UBTD2: variants seen among roughly 807,000 people sequenced by gnomAD.
UBTD2 encodes ubiquitin domain-containing protein 2.
A neutral mutation model predicts 19.8 loss-of-function variants in UBTD2; 9 were observed. That is an observed-to-expected ratio of 0.46 (90% CI 0.27 to 0.79). The LOEUF is 0.79. UBTD2 is among the 30% of genes least tolerant of loss of function. The pLI, the probability that UBTD2 is intolerant of heterozygous loss-of-function variation, is 0.14. For synonymous variants in UBTD2, 98 were observed against 103.9 expected, an observed-to-expected ratio of 0.94 and a Z score of 0.35; for missense variants, 250 against 300.4, an observed-to-expected ratio of 0.83 and a Z score of 1.24.
chr5:172,234,193 T>A lies in UBTD2; in HGVS notation c.236A>T (p.His79Leu). ...TTCATGATCATTGCTCTCAAAAGCA[T>A]GTGCAGCAGCCTTCAAGGCATCCCA... ...EIWDALKAAA[H>L]AFESNDHELA... The change falls in exon 2 of 3, where the codon CAT becomes CTT. Residue 79 changes from histidine to leucine, a missense_variant. By Grantham distance (99) the His-to-Leu change is moderately conservative. Transcript: ENST00000393792. 6.2e-7 allele frequency: 1 copy of A among 1,614,196 alleles called. No homozygotes were observed. The highest frequency in any genetic ancestry group is 8.5e-7 in the Non-Finnish European group (1 of 1,180,032).
At chr5:172,213,329 A>G (rs1394352908) in intron 2 of UBTD2, among the ~76,000 whole-genome samples, 1 of 152,214 alleles carries the variant, frequency 6.6e-6, no homozygotes, top group Non-Finnish European at 1.5e-5. Context: ...CTTGGCAAGA[A>G]GTCCTTAGTC....
At chr5:172,224,284 GAT>G (rs1356888861) in intron 2 of UBTD2, among the ~76,000 whole-genome samples, 3 of 146,380 alleles carry the variant, frequency 2.0e-5, no homozygotes, top group Non-Finnish European at 4.5e-5. Flanking sequence ...CATGAGATCT[GAT>G]GTTTTTCATT....
rs1251523882 is a variant in UBTD2, at chr5:172,283,690, C to A, written c.-25G>T. 1.6e-6 allele frequency: 2 copies of A among 1,224,036 alleles called. No individual in the cohort carries two copies. The highest frequency in any genetic ancestry group is 3.3e-5 in the East Asian group (1 of 30,752). 75.8% of individuals were successfully genotyped at this position (1,224,036 alleles called of 1,614,324 possible). The stretch of plus-strand genomic sequence containing the variant: ...TGGGGGCCCCCGGCGCCTCGTCCGC[C>A]ACCTCCGGACGCTCGTCCGGGCCCG... On this transcript the variant is annotated 5_prime_UTR_variant, in exon 1 of 3. Transcript: ENST00000393792. This position sits in a 1 kb window ranked among gnomAD's most constrained non-coding sequence, Gnocchi z 4.3.
chr5:172,276,688 G>A (rs548849373), intron 1 of UBTD2, among the ~76,000 whole-genome samples: 1 of 151,994 alleles, frequency 6.6e-6, no homozygotes, highest in Admixed American at 6.6e-5. Flanking sequence ...TCATTATTGG[G>A]GTGCAGAGAC....
intron 1 of UBTD2, among the ~76,000 whole-genome samples, chr5:172,273,475 C>T (rs903723477): frequency 2.0e-5 from 3 of 151,478 alleles, no homozygotes; most frequent in Non-Finnish European, 4.4e-5. Context: ...CCTGTAATCC[C>T]GGCTATTTCA....
intron 1 of UBTD2, among the ~76,000 whole-genome samples, chr5:172,277,781 G>A (rs1755635993): frequency 6.7e-6 from 1 of 149,212 alleles, no homozygotes; most frequent in Non-Finnish European, 1.5e-5. Flanking sequence ...TCACAGAATG[G>A]GGGAAAATAT....
chr5:172,242,595 T>C (rs1473318877), intron 1 of UBTD2, among the ~76,000 whole-genome samples: 1 of 152,236 alleles, frequency 6.6e-6, no homozygotes, highest in Non-Finnish European at 1.5e-5. Context: ...GTAAGAATTC[T>C]TCATATATGT....
At chr5:172,254,139 G>A (rs919894515) in intron 1 of UBTD2, among the ~76,000 whole-genome samples, 2 of 151,984 alleles carry the variant, frequency 1.3e-5, no homozygotes, top group African/African-American at 4.8e-5. Flanking sequence ...TCGCTCTGTC[G>A]CCCAGGCTGG....
In UBTD2 at chr5:172,283,462, G is replaced by C. The variant is rs1184129285; in HGVS notation, c.70+134C>G. The stretch of plus-strand genomic sequence containing the variant: ...GGCTGGCAGGACAGCCGGAAGCGGA[G>C]CGCGGGGAATGACGTGGAAGAGGGG... On this transcript the variant is annotated intron_variant, in intron 1 of 2. Transcript: ENST00000393792. The surrounding 1 kb of genome is among the most constrained non-coding windows in gnomAD (Gnocchi z 4.3). The C allele has an allele frequency of 1.5e-6, 1 of 660,044 alleles. No homozygotes were observed. Among genetic ancestry groups the C allele is most frequent in the Non-Finnish European group, 2.1e-6 (1 of 474,892 alleles). The allele number at this position is 660,044 out of a possible 1,614,324, so 40.9% of individuals were successfully genotyped here. A position where few individuals can be genotyped will look rare whatever the true frequency, so the allele number is the denominator to read the frequency against.
intron 2 of UBTD2, among the ~76,000 whole-genome samples, chr5:172,217,034 G>A (rs551325214): frequency 2.4e-4 from 36 of 152,174 alleles, no homozygotes; most frequent in South Asian, 8.3e-4. Context: ...CAGAAACCAT[G>A]CAAGTATACA....
intron 1 of UBTD2, among the ~76,000 whole-genome samples, chr5:172,239,829 G>C (rs1011209472): frequency 6.6e-6 from 1 of 151,614 alleles, no homozygotes; most frequent in Non-Finnish European, 1.5e-5. Context: ...GCTTGAACCT[G>C]GGAGGCAGAG....
chr5:172,222,229 GAAC>G (rs1771665632), intron 2 of UBTD2, among the ~76,000 whole-genome samples: 1 of 152,246 alleles, frequency 6.6e-6, no homozygotes, highest in East Asian at 1.9e-4. Context: ...CTAGACTCTT[GAAC>G]AACATAATCC....
chr5:172,251,291 C>T (rs1432330821), intron 1 of UBTD2, among the ~76,000 whole-genome samples: 4 of 140,226 alleles, frequency 2.9e-5, no homozygotes, highest in Non-Finnish European at 4.5e-5. Flanking sequence ...TGCACTCCAG[C>T]CTGGGTGACA....
chr5:172,221,332 C>T (rs113885839), intron 2 of UBTD2, among the ~76,000 whole-genome samples: 2 of 151,630 alleles, frequency 1.3e-5, no homozygotes, highest in Admixed American at 6.6e-5. Flanking sequence ...AGCAAGGCCC[C>T]ATCTCTACCA....
chr5:172,215,274 C>A (rs1771519487), intron 2 of UBTD2, among the ~76,000 whole-genome samples: 1 of 152,146 alleles, frequency 6.6e-6, no homozygotes, highest in Non-Finnish European at 1.5e-5. Context: ...CAAAAGGAAC[C>A]ATTTTTAAAT....
intron 1 of UBTD2, among the ~76,000 whole-genome samples, chr5:172,267,607 T>C (rs934184409): frequency 1.3e-5 from 2 of 152,218 alleles, no homozygotes; most frequent in Admixed American, 1.3e-4. Context: ...ATGACGTGTT[T>C]AACTTCTGAG....
intron 1 of UBTD2, among the ~76,000 whole-genome samples, chr5:172,259,631 G>A (rs547342228): frequency 1.2e-4 from 19 of 152,082 alleles, no homozygotes; most frequent in Non-Finnish European, 2.4e-4. Context: ...GTGTGGGGGT[G>A]GGGAGGAAAT....
rs1439471686 is a variant in UBTD2 at position 172,283,641 on chromosome 5, G to T, written c.25C>A (p.His9Asn). Residue 9 changes from histidine (H) to asparagine (N), a missense_variant, in exon 1 of 3, where the codon CAC (histidine) becomes AAC (asparagine). Coordinates refer to ENST00000393792, the MANE Select transcript of UBTD2 (RefSeq NM_152277.3). This position sits in a 1 kb window ranked among gnomAD's most constrained non-coding sequence, Gnocchi z 4.3. ...TCGTTGAGGCTGCCCGAGGAGTCGT[G>T]CTGGGCGCCCACACACCCGCCCATG... is the stretch of plus-strand genomic sequence containing the variant. Reference protein sequence around the residue: MGGCVGAQHDSSGSLNENS... With the variant: MGGCVGAQNDSSGSLNENS... 5.5e-6 allele frequency: 7 copies of T among 1,276,830 alleles called. No homozygotes were observed. The Admixed American group carries it at 1.5e-4, about 27-fold the overall frequency. The allele number at this position is 1,276,830 out of a possible 1,614,324, so 79.1% of individuals were successfully genotyped here.
intron 1 of UBTD2, chr5:172,242,518 T>G: frequency 2.7e-6 from 2 of 733,122 alleles, no homozygotes; most frequent in Non-Finnish European, 3.3e-6. Context: ...TCCTTTACCC[T>G]TTGTATTAAC....
Sources: allele counts gnomAD v4.1 joint callset (sites outside exome capture counted in the v4.1 genomes callset), GRCh38; gene constraint gnomAD v4.1.1; non-coding constraint Gnocchi (gnomAD v3.1); transcripts MANE v1.5; gene names NCBI Gene and HGNC (gene_info 2026-07-23, HGNC 2026-07-21).